The following MMP3 variants were observed in gnomAD, a reference collection of about 807,000 sequenced individuals.
MMP3 encodes the protein matrix metallopeptidase 3.
In MMP3, 46 loss-of-function variants were observed where a neutral mutation model predicts 47.3. The observed-to-expected ratio is 0.97, with a 90% CI of 0.77 to 1.24. MMP3 has a LOEUF of 1.24. MMP3 is among the 50% of genes most tolerant of loss of function. The pLI, the probability that MMP3 is intolerant of heterozygous loss-of-function variation, is 0.00. For missense variants in MMP3, 558 were observed against 565.5 expected, an observed-to-expected ratio of 0.99 and a Z score of 0.13; for synonymous variants, 216 against 206.5, an observed-to-expected ratio of 1.05 and a Z score of -0.39.
In MMP3 at chr11:102,836,121, C is replaced by T. The variant is rs1858876451; in HGVS notation, c.*5G>A. The T allele has an allele frequency of 1.9e-6, 3 of 1,609,096 alleles. No homozygotes were observed. Among genetic ancestry groups the T allele is most frequent in the South Asian group, 2.2e-5 (2 of 90,874 alleles). On this transcript the variant is annotated 3_prime_UTR_variant, in exon 10 of 10. Transcript: ENST00000299855. The surrounding 1 kb of genome is among the most constrained non-coding windows in gnomAD (Gnocchi z 4.6). ...TGCCCATATTGTGCCTTCTACATAT[C>T]TCTTTCAACAATTAAGCCAGCTGTT...
Position 102,836,574 on chromosome 11 carries a change from G to A in MMP3, c.1334-348C>T, listed in dbSNP as rs569444. ...CAGGTTACAGGGTTATTCTGCTTCC[G>A]ATCAGATAAATTCTCCACTTGCTTG... On this transcript the variant is annotated intron_variant, in intron 9 of 9. Transcript: ENST00000299855. This position sits in a 1 kb window ranked among gnomAD's most constrained non-coding sequence, Gnocchi z 4.6. 0.12 allele frequency: 58,039 copies of A among 485,038 alleles called. 4,440 individuals are homozygous for A. The highest frequency in any genetic ancestry group is 0.14 in the Middle Eastern group (437 of 3,154). The allele number at this position is 485,038 out of a possible 1,614,324, so 30.0% of individuals were successfully genotyped here.
At position 102,840,226 on chromosome 11, in the gene MMP3, G is replaced by C. The variant is rs781952098; in HGVS notation, c.817C>G (p.Pro273Ala). 4.3e-6 allele frequency: 7 copies of C among 1,613,970 alleles called. No individual in the cohort carries two copies. The East Asian group carries it at 1.3e-4, about 31-fold the overall frequency. ...YGPPPDSPET[P>A]LVPTEPVPPE... ...GGGACAGGTTCCGTGGGTACCAGGG[G>C]GGTCTCAGGGGAGTCAGGGGGAGGT... The change falls in exon 6 of 10, where the codon CCC becomes GCC. Residue 273 changes from proline to alanine, a missense_variant. Coordinates refer to ENST00000299855, the MANE Select transcript of MMP3 (RefSeq NM_002422.5).
At position 102,836,273 on chromosome 11, in the gene MMP3, G is replaced by A. The variant is rs782502131; in HGVS notation, c.1334-47C>T. 4.2e-6 allele frequency: 6 copies of A among 1,418,072 alleles called. 1 individual carries two copies. In the South Asian group the frequency reaches 7.0e-5, roughly 17 times the overall value. The allele number at this position is 1,418,072 out of a possible 1,614,324, so 87.8% of individuals were successfully genotyped here. On this transcript the variant is annotated intron_variant, in intron 9 of 9. Coordinates refer to ENST00000299855, the MANE Select transcript of MMP3 (RefSeq NM_002422.5). The surrounding 1 kb of genome is among the most constrained non-coding windows in gnomAD (Gnocchi z 4.6). ...ATAGTAAGATATTTTTCCAAATAAAGACATTTGACAATATACAAAACTCAG... is the reference window on the plus strand; with the variant it reads ...ATAGTAAGATATTTTTCCAAATAAAAACATTTGACAATATACAAAACTCAG...
intron 7 of MMP3, 152 bp downstream of exon 7, chr11:102,838,958 A>G: frequency 2.3e-6 from 2 of 878,644 alleles, no homozygotes; most frequent in Non-Finnish European, 3.5e-6. Context: ...TCTATGAAAT[A>G]TAAATACAAT....
rs367715190 is a variant in MMP3, at chr11:102,839,217, T to C, written c.962A>G (p.Lys321Arg). The C allele has an allele frequency of 5.0e-6, 8 of 1,614,072 alleles. No individual in the cohort carries two copies. The highest frequency in any genetic ancestry group is 6.8e-6 in the Non-Finnish European group (8 of 1,179,978). The change falls in exon 7 of 10, where the codon AAG becomes AGG. Residue 321 changes from lysine to arginine, a missense_variant. Transcript: ENST00000299855. ...DRHFWRKSLR[K>R]LEPELHLISS... ...GATCAAATGCAATTCAGGTTCAAGC[T>C]TCCTGAGGGATTTGCGCCAAAAGTG...
Position 102,839,092 on chromosome 11 carries a change from T to C in MMP3, c.1069+18A>G, listed in dbSNP as rs1858941596. ...GGTTTACTTTGGCAAGTTAAACAAA[T>C]GATGATATAGTAATTACCTTTAAAA... On this transcript the variant is annotated intron_variant, in intron 7 of 9. Transcript: ENST00000299855. 6.3e-7 allele frequency: 1 copy of C among 1,599,008 alleles called. No homozygotes were observed. Among genetic ancestry groups the C allele is most frequent in the Non-Finnish European group, 8.5e-7 (1 of 1,174,212 alleles).
Position 102,835,952 on chromosome 11 carries a change from C to T in MMP3, c.*174G>A. On this transcript the variant is annotated 3_prime_UTR_variant, in exon 10 of 10. Coordinates refer to ENST00000299855, the MANE Select transcript of MMP3 (RefSeq NM_002422.5). ...CTAAGCAGCAGCCCATTTGAATGCCCTGTAATAACATAAAAATGACCGGCA... is the reference window on the plus strand; with the variant it reads ...CTAAGCAGCAGCCCATTTGAATGCCTTGTAATAACATAAAAATGACCGGCA... The T allele has an allele frequency of 3.5e-6, 2 of 574,148 alleles. No homozygotes were observed. The highest frequency in any genetic ancestry group is 6.3e-6 in the Non-Finnish European group (2 of 318,266). The allele number at this position is 574,148 out of a possible 1,614,324, so 35.6% of individuals were successfully genotyped here.
In MMP3 at chr11:102,842,320, A is replaced by T. The variant is rs782712710; in HGVS notation, c.500-41T>A. ...TTTATTGGAAAGATATGTAACAAGGATCCCTTTTGAGCCTTTTCCAGTACA... is the reference window on the plus strand; with the variant it reads ...TTTATTGGAAAGATATGTAACAAGGTTCCCTTTTGAGCCTTTTCCAGTACA... On this transcript the variant is annotated intron_variant, in intron 3 of 9. Transcript: ENST00000299855. 4 of 1,580,098 alleles carry T rather than the reference A, an allele frequency of 2.5e-6. No individual in the cohort carries two copies. In the Admixed American group the frequency reaches 5.7e-5, roughly 22 times the overall value.
chr11:102,842,671 C>T lies in MMP3; in HGVS notation c.350+1G>A, dbSNP rs1859027651. 2.5e-6 allele frequency: 4 copies of T among 1,613,830 alleles called. No individual in the cohort carries two copies. The highest frequency in any genetic ancestry group is 3.4e-6 in the Non-Finnish European group (4 of 1,179,890). On this transcript the variant is annotated splice_donor_variant, in intron 2 of 9. Transcript: ENST00000299855. LOFTEE classifies it high-confidence loss of function. ...ATGTGAAAACCCCTCTGAACCATTA[C>T]CTGTATGTAAGGTGGGTTTTCCTCC...
chr11:102,841,012 T>A (rs1357732284), intron 4 of MMP3, among the ~76,000 whole-genome samples: 1 of 152,198 alleles, frequency 6.6e-6, no homozygotes, highest in Non-Finnish European at 1.5e-5. Context: ...ATTTGCAGTC[T>A]CAGTTAAAGG....
At position 102,837,494 on chromosome 11, in the gene MMP3, A is replaced by G; in HGVS notation, c.1230-93T>C. On this transcript the variant is annotated intron_variant, in intron 8 of 9. Coordinates refer to ENST00000299855, the MANE Select transcript of MMP3 (RefSeq NM_002422.5). This position sits in a 1 kb window ranked among gnomAD's most constrained non-coding sequence, Gnocchi z 4.4. Reference sequence around the variant, plus strand: ...TTAGGTTTAATGTGGAATTTTACTAAACTTTATAAATACTGCAAATAAATG... The same window carrying G: ...TTAGGTTTAATGTGGAATTTTACTAGACTTTATAAATACTGCAAATAAATG... 1.1e-6 allele frequency: 1 copy of G among 885,194 alleles called. No individual in the cohort carries two copies. The highest frequency in any genetic ancestry group is 1.8e-6 in the Non-Finnish European group (1 of 552,138). 54.8% of individuals were successfully genotyped at this position (885,194 alleles called of 1,614,324 possible).
chr11:102,837,850 A>G lies in MMP3; in HGVS notation c.1230-449T>C, dbSNP rs562024428. On this transcript the variant is annotated intron_variant, in intron 8 of 9. Transcript: ENST00000299855. The surrounding 1 kb of genome is among the most constrained non-coding windows in gnomAD (Gnocchi z 4.4). ...GCCTCCTGGGAAAAGGGATTAGGATAAGAAGCAAAGCACAGTAAGTGTGTT... is the reference window on the plus strand; with the variant it reads ...GCCTCCTGGGAAAAGGGATTAGGATGAGAAGCAAAGCACAGTAAGTGTGTT... Among the ~76,000 whole-genome samples, 1 of 152,260 alleles carries G rather than the reference A, an allele frequency of 6.6e-6. No homozygotes were observed. Among genetic ancestry groups the G allele is most frequent in the Admixed American group, 6.5e-5 (1 of 15,306 alleles).
Position 102,837,316 on chromosome 11 carries a change from C to A in MMP3, c.1315G>T (p.Ala439Ser). Residue 439 changes from alanine (A) to serine (S), a missense_variant, in exon 9 of 10, where the codon GCT becomes TCT. Ala to Ser is a moderately conservative substitution (Grantham distance 99, BLOSUM62 1). Transcript: ENST00000299855. This position sits in a 1 kb window ranked among gnomAD's most constrained non-coding sequence, Gnocchi z 4.4. ...CTCTTACCAAATTCTTCAAAAACAG[C>A]ATCAATCTTTGAGTCAATCCCTGGA... ...DFPGIDSKID[A>S]VFEEFGFFYF... 6.2e-7 allele frequency: 1 copy of A among 1,613,156 alleles called. No homozygotes were observed. Among genetic ancestry groups the A allele is most frequent in the Non-Finnish European group, 8.5e-7 (1 of 1,179,732 alleles).
intron 6 of MMP3, among the ~76,000 whole-genome samples, chr11:102,839,478 T>C (rs1858954242): frequency 6.6e-6 from 1 of 152,236 alleles, no homozygotes; most frequent in South Asian, 2.1e-4. Flanking sequence ...AGAAAAATTA[T>C]TCTATCGTGC....
chr11:102,839,311 C>T (rs185425903), intron 6 of MMP3, 68 bp from the exon 7 acceptor site: 47 of 1,576,826 alleles, frequency 3.0e-5, no homozygotes, highest in African/African-American at 1.4e-4. Flanking sequence ...TTTTCCTCAC[C>T]GTCTTGCCTC....
chr11:102,838,451 G>A (rs986190434), intron 8 of MMP3, 100 bp downstream of exon 8: 11 of 1,277,306 alleles, frequency 8.6e-6, no homozygotes, highest in African/African-American at 6.0e-5. Flanking sequence ...TTCCTACTAA[G>A]AGAGAAGCAG....
chr11:102,842,142 T>C lies in MMP3; in HGVS notation c.625+12A>G, dbSNP rs782730538. 6.5e-7 allele frequency: 1 copy of C among 1,546,984 alleles called. No homozygotes were observed. Among genetic ancestry groups the C allele is most frequent in the Admixed American group, 2.0e-5 (1 of 49,962 alleles). ...TTAATGCCAAAATCATTCTGAGAGA[T>C]GTGTAACTAACCTGTTGTATCCTTT... On this transcript the variant is annotated intron_variant, in intron 4 of 9. Transcript: ENST00000299855.
In MMP3 at chr11:102,837,289, TC is replaced by T; in HGVS notation, c.1333+8del. The T allele has an allele frequency of 2.5e-6, 4 of 1,598,126 alleles. No individual in the cohort carries two copies. Among genetic ancestry groups the T allele is most frequent in the Non-Finnish European group, 3.4e-6 (4 of 1,165,578 alleles). ...TGCTCTATGGCCAACACAGTAAGTA[TC>T]CTCTTACCAAATTCTTCAAAAACAG... On this transcript the variant is annotated splice_region_variant and intron_variant, in intron 9 of 9. Coordinates refer to ENST00000299855, the MANE Select transcript of MMP3 (RefSeq NM_002422.5). This position sits in a 1 kb window ranked among gnomAD's most constrained non-coding sequence, Gnocchi z 4.4.
intron 4 of MMP3, 140 bp downstream of exon 4, chr11:102,842,014 A>T: frequency 1.2e-6 from 1 of 808,204 alleles, no homozygotes; most frequent in Non-Finnish European, 1.7e-6. Context: ...AATAATAATT[A>T]AAACAAAAAT....
Sources: gnomAD v4.1 joint callset for allele counts (sites outside exome capture counted in the v4.1 genomes callset) on GRCh38, gnomAD v4.1.1 for gene constraint, Gnocchi (gnomAD v3.1) non-coding constraint, MANE v1.5 for transcripts, NCBI Gene and HGNC (gene_info 2026-07-23, HGNC 2026-07-21) for gene names.